Variants in ZC4H2 observed in about 807,000 individuals in gnomAD.
The protein encoded by ZC4H2 is zinc finger C4H2-type containing.
For missense variants in ZC4H2, 137 were observed against 173.9 expected, an observed-to-expected ratio of 0.79 and a Z score of 1.19; for synonymous variants, 84 against 66.3, an observed-to-expected ratio of 1.27 and a Z score of -1.30.
At chrX:64,976,951 G>T (rs1192943081), upstream of ZC4H2, among the ~76,000 whole-genome samples, 1 of 109,253 alleles carries the variant, frequency 9.2e-6, no homozygotes, top group Non-Finnish European at 1.9e-5. Context: ...GGAAGAGGAG[G>T]ATGGGAGGAG....
chrX:65,011,292 C>A (rs1932753081), intron 1 of ZC4H2, among the ~76,000 whole-genome samples: 1 of 111,485 alleles, frequency 9.0e-6, no homozygotes, highest in South Asian at 3.8e-4. Flanking sequence ...GTGACTGAGG[C>A]TAGATTTGAG....
chrX:65,002,512 G>T (rs1932563232), intron 1 of ZC4H2, among the ~76,000 whole-genome samples: 1 of 110,865 alleles, frequency 9.0e-6, no homozygotes, highest in Non-Finnish European at 1.9e-5. Flanking sequence ...GCCCCTTCTG[G>T]GAAGTGAGGA....
chrX:65,023,019 T>C (rs1163317641), intron 1 of ZC4H2, among the ~76,000 whole-genome samples: 2 of 111,864 alleles, frequency 1.8e-5, no homozygotes, highest in African/African-American at 6.5e-5. Context: ...TTGGTCTATA[T>C]ATCTGTTTTG....
chrX:64,969,767 C>G (rs1419419165), intron 1 of ZC4H2, among the ~76,000 whole-genome samples: 1 of 111,695 alleles, frequency 9.0e-6, no homozygotes, highest in African/African-American at 3.3e-5. Flanking sequence ...AACCACTATG[C>G]TAATGGTGTG....
At chrX:64,919,446 G>T (rs1475201084) in intron 3 of ZC4H2, 1 of 357,502 alleles carries the variant, frequency 2.8e-6, no homozygotes, top group Non-Finnish European at 4.8e-6. Context: ...GGGCTAGCAA[G>T]ATCCTTAAAG....
intron 1 of ZC4H2, among the ~76,000 whole-genome samples, chrX:64,989,665 A>G (rs1346283034): frequency 2.7e-5 from 3 of 112,370 alleles, no homozygotes; most frequent in Non-Finnish European, 5.6e-5. Flanking sequence ...AAATATATTA[A>G]TAACCCTCAA....
At position 64,957,061 on chromosome X, in the gene ZC4H2, A is replaced by T. The variant is rs186258889; in HGVS notation, c.53+19264T>A. Among the ~76,000 whole-genome samples, 9 of 112,603 alleles carry T rather than the reference A, an allele frequency of 8.0e-5. No individual in the cohort carries two copies. The East Asian group carries it at 2.5e-3, about 31-fold the overall frequency. On this transcript the variant is annotated intron_variant, in intron 1 of 4. Transcript: ENST00000374839. ...TTTGAGTCCATGAGGACAAAGCATAACCTAACTTATTAGGTAGACAAGATT... is the reference window on the plus strand; with the variant it reads ...TTTGAGTCCATGAGGACAAAGCATATCCTAACTTATTAGGTAGACAAGATT...
chrX:64,954,829 A>G (rs1283126509), intron 1 of ZC4H2, among the ~76,000 whole-genome samples: 1 of 111,520 alleles, frequency 9.0e-6, no homozygotes, highest in Non-Finnish European at 1.9e-5. Flanking sequence ...TTGAATGCTG[A>G]ATCAGCCAAT....
At chrX:65,025,062 G>A (rs767854432) in intron 1 of ZC4H2, among the ~76,000 whole-genome samples, 20 of 110,286 alleles carry the variant, frequency 1.8e-4, no homozygotes, top group Non-Finnish European at 2.5e-4. Context: ...TGCCTGTGGA[G>A]AGAGCAGTTG....
At chrX:64,944,141 C>CTTTTTTTT (rs746540220) in intron 1 of ZC4H2, among the ~76,000 whole-genome samples, 18 of 89,131 alleles carry the variant, frequency 2.0e-4, no homozygotes, top group African/African-American at 4.4e-4. Flanking sequence ...TTTCTTTTTT[C>CTTTTTTTT]TTTTTTTTTT....
chrX:64,989,685 G>A (rs184282041), intron 1 of ZC4H2, among the ~76,000 whole-genome samples: 2 of 112,094 alleles, frequency 1.8e-5, no homozygotes, highest in East Asian at 5.6e-4. Flanking sequence ...AAGTTCAACA[G>A]TAAAAAGTTA....
chrX:65,027,444 G>A (rs1602462658), intron 1 of ZC4H2, among the ~76,000 whole-genome samples: 2 of 111,423 alleles, frequency 1.8e-5, no homozygotes, highest in African/African-American at 6.5e-5. Context: ...AAATTAGGAG[G>A]AAATAAATAA....
In ZC4H2 at chrX:64,920,150, G is replaced by A. The variant is rs1318715155; in HGVS notation, c.329C>T (p.Ala110Val). 3 of 1,211,495 alleles carry A rather than the reference G, an allele frequency of 2.5e-6. No individual in the cohort carries two copies. In the South Asian group the frequency reaches 5.3e-5, roughly 21 times the overall value. The change falls in exon 3 of 5, where the codon GCC becomes GTC. Residue 110 changes from alanine (A) to valine (V), a missense_variant. Transcript: ENST00000374839. ...CTGCAGGCCCAGAGTCATGCGCAGG[G>A]CATCCACATGTTCTTTCAGTGGCTT... is the stretch of plus-strand genomic sequence containing the variant. ...EYKPLKEHVDALRMTLGLQRL... is the reference protein window; with the variant it reads ...EYKPLKEHVDVLRMTLGLQRL...
intron 1 of ZC4H2, among the ~76,000 whole-genome samples, chrX:64,985,582 G>A (rs765198738): frequency 9.0e-6 from 1 of 111,453 alleles, no homozygotes; most frequent in South Asian, 3.8e-4. Context: ...TAGCTTATTT[G>A]GAGATGGGCC....
intron 1 of ZC4H2, among the ~76,000 whole-genome samples, chrX:64,948,398 T>G (rs934093679): frequency 8.9e-6 from 1 of 111,788 alleles, no homozygotes; most frequent in Admixed American, 9.5e-5. Context: ...GATTTTTACG[T>G]TCTACCCCTT....
At chrX:64,970,538 G>GAGGA (rs1199947355) in intron 1 of ZC4H2, among the ~76,000 whole-genome samples, 1 of 110,216 alleles carries the variant, frequency 9.1e-6, no homozygotes, top group Non-Finnish European at 1.9e-5. Flanking sequence ...GGAAGGAAGG[G>GAGGA]AGGAAGGAAG....
Position 64,933,096 on chromosome X carries a change from G to A in ZC4H2, c.54-11108C>T, listed in dbSNP as rs758867195. On this transcript the variant is annotated intron_variant, in intron 1 of 4. Transcript: ENST00000374839. ...TGTATTTGTCTGTTTGGGTTATTTC[G>A]AAAGTCTTGTCTTCAAGCTCTGAAA... Among the ~76,000 whole-genome samples the A allele has an allele frequency of 3.3e-4, 37 of 111,059 alleles. No homozygotes were observed. In the East Asian group the frequency reaches 5.1e-3, roughly 15 times the overall value.
At chrX:64,926,011 T>C (rs1257827628) in intron 1 of ZC4H2, among the ~76,000 whole-genome samples, 1 of 112,040 alleles carries the variant, frequency 8.9e-6, no homozygotes, top group Non-Finnish European at 1.9e-5. Flanking sequence ...GAGGGAAATA[T>C]GTTTACGAAG....
chrX:64,951,061 G>T (rs2041059525), intron 1 of ZC4H2, among the ~76,000 whole-genome samples: 1 of 110,776 alleles, frequency 9.0e-6, no homozygotes, highest in Non-Finnish European at 1.9e-5. Context: ...GCGGTGTTTG[G>T]TTTTTTGTCC....
Sources: gnomAD v4.1 joint callset for allele counts (sites outside exome capture counted in the v4.1 genomes callset) on GRCh38, gnomAD v4.1.1 for gene constraint, MANE v1.5 for transcripts, NCBI Gene and HGNC (gene_info 2026-07-23, HGNC 2026-07-21) for gene names.